The following DNTT variants were observed in gnomAD, a reference collection of about 807,000 sequenced individuals.
DNTT encodes DNA nucleotidylexotransferase, also known as nucleosidetriphosphate:DNA deoxynucleotidylexotransferase.
In DNTT, 47 loss-of-function variants were observed where a neutral mutation model predicts 60.9. That is an observed-to-expected ratio of 0.77 (90% CI 0.61 to 0.98). The LOEUF is 0.98. Ranked by LOEUF, DNTT falls within the 50% of genes least tolerant of loss-of-function variation. The pLI is 0.00. For synonymous variants in DNTT, 224 were observed against 221.2 expected (o/e 1.01, Z -0.11); for missense variants, 665 against 627.5 (o/e 1.06, Z -0.64).
At chr10:96,336,713 G>T (rs1006071276) in intron 10 of DNTT, among the ~76,000 whole-genome samples, 1 of 152,052 alleles carries the variant, frequency 6.6e-6, no homozygotes, top group Non-Finnish European at 1.5e-5. Flanking sequence ...TTGGGAGGCC[G>T]AGGCGGGTGG....
At chr10:96,307,343 GTTTTTTTTTTTTTTTTT>G (rs533516556) in intron 1 of DNTT, among the ~76,000 whole-genome samples, 44 of 67,596 alleles carry the variant, frequency 6.5e-4, no homozygotes, top group Middle Eastern at 0.011. Context: ...GGGTTTTCCA[GTTTTTTTTTTTTTTTTT>G]TTTTTTTTTT....
rs1198186325 is a variant in DNTT, at chr10:96,322,729, G to C, written c.750+1G>C. The C allele has an allele frequency of 6.3e-7, 1 of 1,586,978 alleles. No individual in the cohort carries two copies. On this transcript the variant is annotated splice_donor_variant, in intron 5 of 10. Transcript: ENST00000371174. LOFTEE classifies it high-confidence loss of function. ...TGATGAACGATATCAATCCTTCAAAGTAAGTGATTTTACATATATTTATTG... is the reference window on the plus strand; with the variant it reads ...TGATGAACGATATCAATCCTTCAAACTAAGTGATTTTACATATATTTATTG...
chr10:96,332,665 C>G, intron 9 of DNTT, 69 bp downstream of exon 9: 2 of 1,573,936 alleles, frequency 1.3e-6, no homozygotes, highest in Non-Finnish European at 1.7e-6. Flanking sequence ...CTACCTGGGC[C>G]CAGGGGAGAG....
chr10:96,305,174 C>G (rs774864627), intron 1 of DNTT, among the ~76,000 whole-genome samples: 12 of 152,204 alleles, frequency 7.9e-5, no homozygotes, highest in Non-Finnish European at 1.6e-4. Context: ...GACTAGCCAG[C>G]TTACCACAGG....
chr10:96,334,517 T>A (rs1845044428), intron 9 of DNTT, among the ~76,000 whole-genome samples: 1 of 152,156 alleles, frequency 6.6e-6, no homozygotes, highest in East Asian at 1.9e-4. Flanking sequence ...GTGAAATGGG[T>A]TCGTAGAGGG....
chr10:96,337,495 C>T (rs1845087527), intron 10 of DNTT, among the ~76,000 whole-genome samples: 1 of 152,206 alleles, frequency 6.6e-6, no homozygotes, highest in Admixed American at 6.5e-5. Context: ...GGCAGATTCA[C>T]ATAGTACAAT....
At chr10:96,335,687 C>G (rs1187145322) in intron 9 of DNTT, among the ~76,000 whole-genome samples, 1 of 152,194 alleles carries the variant, frequency 6.6e-6, no homozygotes, top group African/African-American at 2.4e-5. Flanking sequence ...ACAGAACAAA[C>G]CAGGTTCCTG....
rs200664457 is a variant in DNTT at position 96,332,558 on chromosome 10, C to A, written c.1321C>A (p.Arg441Ser). 2 of 1,614,116 alleles carry A rather than the reference C, an allele frequency of 1.2e-6. No individual in the cohort carries two copies. Among genetic ancestry groups the A allele is most frequent in the East Asian group, 4.5e-5 (2 of 44,878 alleles). The change falls in exon 9 of 11, where the codon CGT becomes AGT. Residue 441 changes from arginine to serine, a missense_variant. Physicochemically the swap from Arg to Ser is moderately radical, Grantham distance 110. Coordinates refer to ENST00000371174, the MANE Select transcript of DNTT (RefSeq NM_004088.4). Reference sequence around the variant, plus strand: ...GGATTTAGTTCTGTGCCCCTACGAGCGTCGTGCCTTTGCCCTGTTGGGATG... The same window carrying A: ...GGATTTAGTTCTGTGCCCCTACGAGAGTCGTGCCTTTGCCCTGTTGGGATG... The part of the protein sequence containing the change: ...RVDLVLCPYE[R>S]RAFALLGWTG...
rs1019892025 is a variant in DNTT, at chr10:96,335,883, C to T, written c.1360-8C>T. On this transcript the variant is annotated splice_region_variant and splice_polypyrimidine_tract_variant and intron_variant, in intron 9 of 10. Transcript: ENST00000371174. ...GTTAATAATTTATTTTAACTATCTC[C>T]TATCCAGCAGTTTGAGAGAGACCTC... The T allele has an allele frequency of 1.2e-6, 2 of 1,614,066 alleles. No homozygotes were observed. The highest frequency in any genetic ancestry group is 1.7e-6 in the Non-Finnish European group (2 of 1,179,926).
intron 9 of DNTT, among the ~76,000 whole-genome samples, chr10:96,335,486 T>G (rs999327441): frequency 6.6e-6 from 1 of 152,198 alleles, no homozygotes; most frequent in African/African-American, 2.4e-5. Context: ...GTTCCCTGAC[T>G]CCTCCATCCT....
Position 96,320,758 on chromosome 10 carries a change from C to A in DNTT, c.648C>A (p.Cys216Ter). 1.2e-6 allele frequency: 2 copies of A among 1,613,676 alleles called. No individual in the cohort carries two copies. Among genetic ancestry groups the A allele is most frequent in the South Asian group, 2.2e-5 (2 of 91,050 alleles). The change falls in exon 4 of 11, where the codon TGC becomes TGA. Residue 216 changes from cysteine to a stop codon, truncating the protein, a stop_gained. Coordinates refer to ENST00000371174, the MANE Select transcript of DNTT (RefSeq NM_004088.4). LOFTEE classifies it high-confidence loss of function. ...ISMKDTEGIP[C>*]LGSKVKGIIE... ...TGAAGGACACAGAAGGAATTCCCTG[C>A]CTGGGGTCCAAGGTGAAGGGTATCA...
At chr10:96,335,797 G>C in intron 9 of DNTT, 94 bp from the exon 10 acceptor site, 1 of 1,381,296 alleles carries the variant, frequency 7.2e-7, no homozygotes, top group Non-Finnish European at 1.0e-6. Context: ...AGAATGTTTA[G>C]TGGAGTTACA....
intron 1 of DNTT, among the ~76,000 whole-genome samples, chr10:96,312,533 A>G (rs1380891939): frequency 6.6e-6 from 1 of 152,162 alleles, no homozygotes; most frequent in Non-Finnish European, 1.5e-5. Context: ...AGGTGGCAGA[A>G]TGTAGAACCA....
Position 96,318,527 on chromosome 10 carries a change from G to T in DNTT, c.378+1G>T. On this transcript the variant is annotated splice_donor_variant, in intron 2 of 10. Transcript: ENST00000371174. LOFTEE classifies it high-confidence loss of function. ...AATGACAGGAAAACACCAGCTTGTT[G>T]TAAGTGTCATGGGTGTGATTTTCAC... 1 of 1,612,958 alleles carries T rather than the reference G, an allele frequency of 6.2e-7. No individual in the cohort carries two copies.
At chr10:96,338,011 C>A in intron 10 of DNTT, 127 bp from the exon 11 acceptor site, 1 of 686,908 alleles carries the variant, frequency 1.5e-6, no homozygotes, top group Non-Finnish European at 2.4e-6. Flanking sequence ...TACTCAGAAG[C>A]AGGGAATTAT....
chr10:96,327,898 C>A (rs1844957746), intron 7 of DNTT, among the ~76,000 whole-genome samples: 1 of 152,196 alleles, frequency 6.6e-6, no homozygotes, highest in African/African-American at 2.4e-5. Context: ...ATTTAGATGG[C>A]ACCTTCTCCA....
intron 8 of DNTT, among the ~76,000 whole-genome samples, chr10:96,330,044 A>G (rs1589376167): frequency 6.6e-6 from 1 of 152,328 alleles, no homozygotes; most frequent in Middle Eastern, 3.4e-3. Context: ...TATTCAGTCA[A>G]CCAGTGGGTA....
chr10:96,308,001 A>G (rs1431395291), intron 1 of DNTT, among the ~76,000 whole-genome samples: 2 of 151,372 alleles, frequency 1.3e-5, no homozygotes, highest in Non-Finnish European at 2.9e-5. Flanking sequence ...TCCTGCCTTC[A>G]CCTCCCAAAG....
chr10:96,334,884 T>C (rs1275885650), intron 9 of DNTT, among the ~76,000 whole-genome samples: 1 of 152,208 alleles, frequency 6.6e-6, no homozygotes, highest in Non-Finnish European at 1.5e-5. Flanking sequence ...ATTTTTAAGA[T>C]GGACATGTTT....
Sources: gnomAD v4.1 joint callset for allele counts (sites outside exome capture counted in the v4.1 genomes callset) on GRCh38, gnomAD v4.1.1 for gene constraint, MANE v1.5 for transcripts, NCBI Gene and HGNC (gene_info 2026-07-23, HGNC 2026-07-21) for gene names.